Variants in TASP1 observed in about 807,000 individuals in gnomAD.
TASP1 encodes threonine aspartase 1.
Under a neutral mutation model 56.6 loss-of-function variants are expected in TASP1, and 16 were observed. That is an observed-to-expected ratio of 0.28 (90% CI 0.19 to 0.43). The LOEUF (loss-of-function observed/expected upper bound fraction) is 0.43. Ranked by LOEUF, TASP1 falls within the 20% of genes least tolerant of loss-of-function variation. The probability of loss-of-function intolerance (pLI) is 1.00; values close to 1 mark genes in which losing one functional copy is unlikely to be tolerated. For synonymous variants in TASP1, 179 were observed against 184.2 expected (o/e 0.97, Z 0.23); for missense variants, 393 against 511.6 (o/e 0.77, Z 2.24).
chr20:13,438,187 G>A (rs1268264239), intron 11 of TASP1, among the ~76,000 whole-genome samples: 27 of 152,126 alleles, frequency 1.8e-4, no homozygotes, highest in African/African-American at 6.3e-4. Context: ...AAAGGAGCCC[G>A]CATTGCCAAG....
At chr20:13,250,267 G>C in the TASP1 span, among the ~76,000 whole-genome samples, 1 of 152,106 alleles carries the variant, frequency 6.6e-6, no homozygotes, top group Non-Finnish European at 1.5e-5. Flanking sequence ...TCCAATTTTA[G>C]GTTTGGAATA....
intron 10 of TASP1, 30 bp from the exon 11 acceptor site, chr20:13,483,367 G>A (rs45602236): frequency 0.028 from 42,133 of 1,489,604 alleles, 697 homozygotes; most frequent in African/African-American, 0.058. Flanking sequence ...AACAGTTGAG[G>A]AAAAGCAGCA....
chr20:13,185,257 C>T, the TASP1 span, among the ~76,000 whole-genome samples: 15 of 152,060 alleles, frequency 9.9e-5, no homozygotes, highest in Admixed American at 2.6e-4. Flanking sequence ...GGAAACTAGG[C>T]CACTGCTCTT....
chr20:13,191,352 C>G, the TASP1 span, among the ~76,000 whole-genome samples: 2 of 152,090 alleles, frequency 1.3e-5, no homozygotes, highest in African/African-American at 2.4e-5. Flanking sequence ...TGTCCATTAA[C>G]ACATGAATGG....
the TASP1 span, among the ~76,000 whole-genome samples, chr20:13,343,418 T>C: frequency 1.9e-3 from 292 of 152,330 alleles, no homozygotes; most frequent in African/African-American, 6.7e-3. Context: ...CTCACCCATG[T>C]GAAAGTTTTC....
chr20:13,630,826 T>C (rs2049060850), intron 1 of TASP1, among the ~76,000 whole-genome samples: 1 of 152,096 alleles, frequency 6.6e-6, no homozygotes, highest in East Asian at 1.9e-4. Flanking sequence ...CAGTGTTTAT[T>C]ACCAGCCCAC....
downstream of TASP1, among the ~76,000 whole-genome samples, chr20:13,387,751 A>C (rs76656882): frequency 0.047 from 7,129 of 152,328 alleles, 308 homozygotes; most frequent in African/African-American, 0.11. Context: ...TGCTTTCCAC[A>C]GTGGCTGACG....
the TASP1 span, among the ~76,000 whole-genome samples, chr20:13,358,157 C>T: frequency 2.6e-5 from 4 of 152,204 alleles, no homozygotes; most frequent in African/African-American, 9.7e-5. Flanking sequence ...AGAGAACAAA[C>T]CCCCTTTGAC....
At chr20:13,239,935 TAA>T in the TASP1 span, among the ~76,000 whole-genome samples, 4 of 152,192 alleles carry the variant, frequency 2.6e-5, no homozygotes, top group Admixed American at 6.5e-5. Context: ...CCCACTTAGC[TAA>T]AGAGAATTAG....
chr20:13,583,091 C>T (rs1023722979), intron 5 of TASP1, among the ~76,000 whole-genome samples: 1 of 152,184 alleles, frequency 6.6e-6, no homozygotes, highest in African/African-American at 2.4e-5. Flanking sequence ...AAGAATGAGA[C>T]CATACTCCAA....
At chr20:13,638,318 A>C (rs536003036) in intron 1 of TASP1, among the ~76,000 whole-genome samples, 1 of 152,066 alleles carries the variant, frequency 6.6e-6, no homozygotes, top group East Asian at 1.9e-4. Context: ...CTCCTTCCGG[A>C]AACACGATAC....
chr20:13,574,510 T>C (rs1404089737), intron 6 of TASP1, among the ~76,000 whole-genome samples: 1 of 151,978 alleles, frequency 6.6e-6, no homozygotes, highest in Non-Finnish European at 1.5e-5. Flanking sequence ...TCGAAAACAA[T>C]CCATAAATAA....
intron 7 of TASP1, among the ~76,000 whole-genome samples, chr20:13,567,837 G>A (rs140402507): frequency 6.6e-6 from 1 of 152,254 alleles, no homozygotes; most frequent in Non-Finnish European, 1.5e-5. Flanking sequence ...AGAGGCGAAG[G>A]AGATCACAAG....
chr20:13,250,597 C>T, the TASP1 span, among the ~76,000 whole-genome samples: 1 of 152,144 alleles, frequency 6.6e-6, no homozygotes, highest in African/African-American at 2.4e-5. Flanking sequence ...TCCCCAGACT[C>T]CCTGTCTGAT....
the TASP1 span, among the ~76,000 whole-genome samples, chr20:13,383,745 CT>C: frequency 6.6e-6 from 1 of 152,200 alleles, no homozygotes; most frequent in South Asian, 2.1e-4. Context: ...CACCTTCCAG[CT>C]AAATGCAGCA....
intron 4 of TASP1, among the ~76,000 whole-genome samples, chr20:13,589,057 G>GT (rs1222198899): frequency 0.027 from 3,656 of 133,754 alleles, 62 homozygotes; most frequent in Middle Eastern, 0.035. Flanking sequence ...TCTTTCGTGG[G>GT]TTTTTTTTTT....
chr20:13,150,533 GT>G, the TASP1 span, among the ~76,000 whole-genome samples: 1 of 152,210 alleles, frequency 6.6e-6, no homozygotes, highest in African/African-American at 2.4e-5. Flanking sequence ...CAAAGTAAAG[GT>G]TTTCAATGAG....
chr20:13,372,025 CTT>C, the TASP1 span, among the ~76,000 whole-genome samples: 3 of 152,144 alleles, frequency 2.0e-5, no homozygotes, highest in African/African-American at 4.8e-5. Context: ...ATTCAACTAA[CTT>C]ATATATTTGA....
chr20:13,207,618 G>C, the TASP1 span, among the ~76,000 whole-genome samples: 1 of 152,184 alleles, frequency 6.6e-6, no homozygotes, highest in African/African-American at 2.4e-5. Flanking sequence ...GGAGAAGACT[G>C]ATATCCCAAG....
Sources: gnomAD v4.1 joint callset for allele counts (sites outside exome capture counted in the v4.1 genomes callset) on GRCh38, gnomAD v4.1.1 for gene constraint, MANE v1.5 for transcripts, NCBI Gene and HGNC (gene_info 2026-07-23, HGNC 2026-07-21) for gene names.